The following SPAG16 variants were observed in gnomAD, a reference collection of about 807,000 sequenced individuals.
SPAG16 encodes the protein sperm-associated antigen 16 protein.
Under a neutral mutation model 80.4 loss-of-function variants are expected in SPAG16, and 86 were observed. The ratio of observed to expected loss-of-function variants is 1.07; its 90% CI spans 0.90 to 1.28. SPAG16 has a LOEUF of 1.28. Among genes scored for constraint, SPAG16 ranks in the 50% most tolerant of loss-of-function variants. The probability of loss-of-function intolerance (pLI) is 0.00; values close to 1 mark genes in which losing one functional copy is unlikely to be tolerated. For missense variants in SPAG16, 870 were observed against 765.3 expected (o/e 1.14, Z -1.61); for synonymous variants, 294 against 265.9 (o/e 1.11, Z -1.03).
intron 5 of SPAG16, among the ~76,000 whole-genome samples, chr2:213,324,350 A>G (rs1051862265): frequency 2.0e-5 from 3 of 152,180 alleles, no homozygotes; most frequent in African/African-American, 7.2e-5. Context: ...GCAAACGGAT[A>G]AACTCTTAAA....
intron 12 of SPAG16, among the ~76,000 whole-genome samples, chr2:213,941,007 T>C (rs753139563): frequency 1.3e-5 from 2 of 152,160 alleles, no homozygotes; most frequent in Non-Finnish European, 2.9e-5. Flanking sequence ...AATCCCTAAA[T>C]TGAAAATGAT....
Position 213,539,318 on chromosome 2 carries a change from A to T in SPAG16, c.1070+49228A>T, listed in dbSNP as rs186551572. On this transcript the variant is annotated intron_variant, in intron 10 of 15. Transcript: ENST00000331683. ...CCTCATGGACACCTGCTAAATCACC[A>T]GTATCTGTTTTATCTGAAGTCATAG... is the stretch of plus-strand genomic sequence containing the variant. 1.8e-4 allele frequency among the ~76,000 whole-genome samples: 27 copies of T among 152,290 alleles called. No homozygotes were observed. In the East Asian group the frequency reaches 5.2e-3, roughly 29 times the overall value.
chr2:213,762,104 C>T (rs1440305353), intron 10 of SPAG16, among the ~76,000 whole-genome samples: 4 of 152,038 alleles, frequency 2.6e-5, no homozygotes, highest in African/African-American at 7.3e-5. Context: ...AAAAAACACA[C>T]ATGATTATCT....
At chr2:214,084,469 C>A (rs913779387) in intron 13 of SPAG16, among the ~76,000 whole-genome samples, 1 of 152,154 alleles carries the variant, frequency 6.6e-6, no homozygotes, top group African/African-American at 2.4e-5. Flanking sequence ...AATGGAAATA[C>A]CTCATTTATA....
At chr2:213,851,188 C>T (rs778634227) in intron 10 of SPAG16, among the ~76,000 whole-genome samples, 2 of 152,098 alleles carry the variant, frequency 1.3e-5, no homozygotes, top group Admixed American at 1.3e-4. Context: ...AGAATTGATA[C>T]GATGTTTAAA....
chr2:213,620,806 A>G (rs2061756060), intron 10 of SPAG16, among the ~76,000 whole-genome samples: 1 of 152,130 alleles, frequency 6.6e-6, no homozygotes, highest in African/African-American at 2.4e-5. Context: ...TTTATTGTCA[A>G]ATGTAATTAT....
At chr2:214,058,827 C>A (rs1478307798) in intron 13 of SPAG16, among the ~76,000 whole-genome samples, 1 of 151,906 alleles carries the variant, frequency 6.6e-6, no homozygotes, top group East Asian at 1.9e-4. Flanking sequence ...CAGAAATTTC[C>A]ATTAGCTTCT....
intron 10 of SPAG16, among the ~76,000 whole-genome samples, chr2:213,788,327 A>AG (rs1277130955): frequency 4.6e-5 from 7 of 152,066 alleles, no homozygotes; most frequent in African/African-American, 1.7e-4. Context: ...CTACACAATC[A>AG]CATTTATACA....
intron 10 of SPAG16, among the ~76,000 whole-genome samples, chr2:213,733,272 T>G (rs1332955494): frequency 6.6e-6 from 1 of 151,236 alleles, no homozygotes; most frequent in African/African-American, 2.4e-5. Context: ...ATATTAGACC[T>G]TTGTCAGATG....
At chr2:213,393,038 C>T (rs921643661) in intron 9 of SPAG16, among the ~76,000 whole-genome samples, 15 of 151,992 alleles carry the variant, frequency 9.9e-5, no homozygotes, top group Admixed American at 9.2e-4. Context: ...TACATTATTA[C>T]ACTAAATATA....
intron 11 of SPAG16, among the ~76,000 whole-genome samples, chr2:213,877,079 G>C (rs968811561): frequency 6.6e-6 from 1 of 152,098 alleles, no homozygotes; most frequent in Admixed American, 6.6e-5. Context: ...TTCTAGAAAA[G>C]TGACCTTGAT....
intron 11 of SPAG16, among the ~76,000 whole-genome samples, chr2:213,915,896 T>C (rs1227364838): frequency 1.3e-5 from 2 of 152,230 alleles, no homozygotes; most frequent in African/African-American, 2.4e-5. Flanking sequence ...TTTTCATGTT[T>C]GTTGGCTGCA....
chr2:214,404,267 C>T (rs1250815268), intron 15 of SPAG16, among the ~76,000 whole-genome samples: 1 of 152,146 alleles, frequency 6.6e-6, no homozygotes, highest in Non-Finnish European at 1.5e-5. Context: ...GATTTAGGTG[C>T]CAAAGATCTG....
At chr2:213,993,275 C>T (rs1162359937) in intron 12 of SPAG16, among the ~76,000 whole-genome samples, 1 of 152,172 alleles carries the variant, frequency 6.6e-6, no homozygotes, top group Non-Finnish European at 1.5e-5. Context: ...TTTTCAGACC[C>T]ATGCTTATAA....
intron 9 of SPAG16, among the ~76,000 whole-genome samples, chr2:213,444,803 C>T (rs992308739): frequency 6.6e-6 from 1 of 151,982 alleles, no homozygotes; most frequent in African/African-American, 2.4e-5. Context: ...TCAAAAAGAA[C>T]AAAGCTGTAG....
At chr2:213,354,939 A>G (rs1314084056) in intron 7 of SPAG16, among the ~76,000 whole-genome samples, 2 of 152,166 alleles carry the variant, frequency 1.3e-5, no homozygotes, top group South Asian at 4.1e-4. Flanking sequence ...GTCTTTGCCC[A>G]TGCCTATGTC....
intron 13 of SPAG16, among the ~76,000 whole-genome samples, chr2:214,106,351 C>T (rs1031373604): frequency 6.6e-6 from 1 of 151,986 alleles, no homozygotes; most frequent in African/African-American, 2.4e-5. Flanking sequence ...AAGTTCTTAG[C>T]ATAATTGGTT....
intron 12 of SPAG16, among the ~76,000 whole-genome samples, chr2:213,948,144 T>A (rs966012527): frequency 2.0e-5 from 3 of 152,074 alleles, no homozygotes; most frequent in Non-Finnish European, 4.4e-5. Context: ...CCACCTATAG[T>A]TTTTCCTTCA....
At chr2:213,922,893 G>A (rs911542138) in intron 11 of SPAG16, among the ~76,000 whole-genome samples, 8 of 152,170 alleles carry the variant, frequency 5.3e-5, no homozygotes, top group Non-Finnish European at 7.3e-5. Flanking sequence ...GCGGTTGACA[G>A]ACAAGCTGTA....
Sources: allele counts gnomAD v4.1 joint callset (sites outside exome capture counted in the v4.1 genomes callset), GRCh38; gene constraint gnomAD v4.1.1; transcripts MANE v1.5; gene names NCBI Gene and HGNC (gene_info 2026-07-23, HGNC 2026-07-21).